The following GPR89B variants were observed in gnomAD, a reference collection of about 807,000 sequenced individuals.
The protein encoded by GPR89B is G protein-coupled receptor 89B.
A neutral mutation model predicts 52.4 loss-of-function variants in GPR89B; 25 were observed. The observed-to-expected ratio is 0.48, with a 90% CI of 0.35 to 0.67. GPR89B has a LOEUF of 0.67. Among genes scored for constraint, GPR89B ranks in the 30% least tolerant of loss-of-function variants. The probability of loss-of-function intolerance (pLI) is 0.01; values close to 1 mark genes in which losing one functional copy is unlikely to be tolerated. For synonymous variants in GPR89B, 52 were observed against 151.2 expected (o/e 0.34, Z 4.81); for missense variants, 146 against 450.2 (o/e 0.32, Z 6.11).
intron 10 of GPR89B, among the ~76,000 whole-genome samples, chr1:147,971,390 A>G (rs1397983532): frequency 4.0e-5 from 6 of 149,994 alleles, no homozygotes; most frequent in Admixed American, 3.3e-4. Flanking sequence ...AGCTCAGGCA[A>G]TCTGCCCGTC....
At chr1:147,952,475 A>G (rs1319531893) in intron 5 of GPR89B, among the ~76,000 whole-genome samples, 1 of 151,876 alleles carries the variant, frequency 6.6e-6, no homozygotes, top group African/African-American at 2.4e-5. Context: ...AAAGACTAGG[A>G]ATGGAGGCCA....
At chr1:147,977,523 G>A (rs1367829741) in intron 10 of GPR89B, among the ~76,000 whole-genome samples, 3,354 of 152,022 alleles carry the variant, frequency 0.022, 61 homozygotes, top group Non-Finnish European at 0.035. Context: ...AGAAGTTCTG[G>A]CCTGTCTTGC....
chr1:147,962,666 G>A (rs1656683513), intron 7 of GPR89B, among the ~76,000 whole-genome samples: 3 of 151,882 alleles, frequency 2.0e-5, no homozygotes, highest in Non-Finnish European at 4.4e-5. Flanking sequence ...GGAAGCCAAG[G>A]CGGACGGATC....
chr1:147,932,063 A>G (rs1653676829), intron 1 of GPR89B, among the ~76,000 whole-genome samples: 1 of 151,798 alleles, frequency 6.6e-6, no homozygotes, highest in African/African-American at 2.4e-5. Flanking sequence ...CTTCCATTTC[A>G]TAGCAATCTT....
At chr1:147,950,962 G>GGGGAGA (rs1327691688) in intron 5 of GPR89B, among the ~76,000 whole-genome samples, 30 of 151,990 alleles carry the variant, frequency 2.0e-4, no homozygotes, top group Admixed American at 1.6e-3. Flanking sequence ...GAGGGAGATG[G>GGGGAGA]GGGAGAGGGA....
rs375267760 is a variant in GPR89B, at chr1:147,943,477, T to G, written c.246T>G (p.Ile82Met). Reference sequence around the variant, plus strand: ...ACTGGAAAATGAACCTGTGTGTAATTCTGCTGATCCTGGTTTTCATGGTGC... The same window carrying G: ...ACTGGAAAATGAACCTGTGTGTAATGCTGCTGATCCTGGTTTTCATGGTGC... ...YFHWKMNLCVILLILVFMVPF... is the reference protein window; with the variant it reads ...YFHWKMNLCVMLLILVFMVPF... The change falls in exon 4 of 14, where the codon ATT becomes ATG. Residue 82 changes from isoleucine (I) to methionine (M), a missense_variant. Ile to Met is a conservative substitution (Grantham distance 10). Coordinates refer to ENST00000314163, the MANE Select transcript of GPR89B (RefSeq NM_016334.5). The G allele has an allele frequency of 4.2e-5, 68 of 1,612,848 alleles. No homozygotes were observed. The African/African-American group carries it at 8.0e-4, about 19-fold the overall frequency.
the GPR89B span, among the ~76,000 whole-genome samples, chr1:148,022,236 C>G: frequency 6.6e-6 from 1 of 150,962 alleles, no homozygotes; most frequent in Non-Finnish European, 1.5e-5. Context: ...GGTCAGCAGT[C>G]CAGGCTAGTT....
At chr1:147,995,975 G>T, downstream of GPR89B, 3 of 1,224,224 alleles carry the variant, frequency 2.5e-6, no homozygotes, top group South Asian at 1.3e-5. Flanking sequence ...AGGAGCTCAA[G>T]AATTTATTTT....
chr1:147,948,643 G>C (rs1553250177), intron 5 of GPR89B, among the ~76,000 whole-genome samples: 1 of 152,062 alleles, frequency 6.6e-6, no homozygotes, highest in Non-Finnish European at 1.5e-5. Flanking sequence ...ATCCTGAAAT[G>C]AAAGTGAGAA....
At chr1:147,998,995 A>G in the GPR89B span, among the ~76,000 whole-genome samples, 1 of 151,676 alleles carries the variant, frequency 6.6e-6, no homozygotes, top group Non-Finnish European at 1.5e-5. Flanking sequence ...ATGTATCTCA[A>G]AGATCTACCC....
chr1:147,995,541 A>G, downstream of GPR89B: 1 of 1,571,878 alleles, frequency 6.4e-7, no homozygotes, highest in Non-Finnish European at 8.7e-7. Context: ...ACTCATAGGG[A>G]CTGTACCCAT....
downstream of GPR89B, among the ~76,000 whole-genome samples, chr1:147,997,973 TTAAA>T (rs1172435656): frequency 2.0e-5 from 3 of 152,176 alleles, no homozygotes; most frequent in Non-Finnish European, 4.4e-5. Flanking sequence ...TCCAACATCT[TTAAA>T]TACTCCTAAT....
the GPR89B span, among the ~76,000 whole-genome samples, chr1:148,002,071 TC>T: frequency 6.6e-6 from 1 of 151,558 alleles, no homozygotes; most frequent in South Asian, 2.1e-4. Flanking sequence ...AGTTCCTGTT[TC>T]ACTTTTCCAG....
chr1:147,949,320 CTTCCCA>C lies in GPR89B; in HGVS notation c.416-4024_416-4019del, dbSNP rs1558043280. On this transcript the variant is annotated intron_variant, in intron 5 of 13. Transcript: ENST00000314163. Reference sequence around the variant, plus strand: ...GGTGGCTGGGCAGAGGGGCTCCTCACTTCCCAGTAGGGGCGGCCGGGCAGAGGTGCC... The same window carrying C: ...GGTGGCTGGGCAGAGGGGCTCCTCACGTAGGGGCGGCCGGGCAGAGGTGCC... Among the ~76,000 whole-genome samples, 434 of 150,156 alleles carry C rather than the reference CTTCCCA, an allele frequency of 2.9e-3. 1 individual carries two copies. Among genetic ancestry groups the C allele is most frequent in the African/African-American group, 0.01 (405 of 40,026 alleles).
intron 5 of GPR89B, among the ~76,000 whole-genome samples, chr1:147,945,146 G>A (rs1409575035): frequency 1.5e-5 from 2 of 137,374 alleles, no homozygotes; most frequent in Non-Finnish European, 3.1e-5. Flanking sequence ...GCCACTCAGG[G>A]TCTATGACAT....
the GPR89B span, chr1:148,003,998 CAG>C: frequency 7.7e-6 from 4 of 522,166 alleles, no homozygotes; most frequent in Non-Finnish European, 1.4e-5. Context: ...ACAACACACA[CAG>C]ATGAGGAATG....
chr1:148,015,548 T>C, the GPR89B span, among the ~76,000 whole-genome samples: 11 of 146,022 alleles, frequency 7.5e-5, no homozygotes, highest in African/African-American at 2.8e-4. Context: ...TCTCCTGACC[T>C]CGTGATGCAC....
chr1:148,017,665 G>A, the GPR89B span, among the ~76,000 whole-genome samples: 1 of 150,388 alleles, frequency 6.6e-6, no homozygotes, highest in Non-Finnish European at 1.5e-5. Context: ...GTGAACCTGG[G>A]AAGTGGAGCT....
chr1:147,938,569 T>A lies in GPR89B; in HGVS notation c.103-145T>A, dbSNP rs1189842240. The A allele has an allele frequency of 4.3e-5, 27 of 627,478 alleles. 1 individual carries two copies. Among genetic ancestry groups the A allele is most frequent in the African/African-American group, 3.4e-4 (18 of 52,406 alleles). The allele number at this position is 627,478 out of a possible 1,614,324, so 38.9% of individuals were successfully genotyped here. Reference sequence around the variant, plus strand: ...ACCTATATTGATCTTTTTCTTTAGCTCCAGGCAAGTTGCTGTTGTGGCCCT... The same window carrying A: ...ACCTATATTGATCTTTTTCTTTAGCACCAGGCAAGTTGCTGTTGTGGCCCT... On this transcript the variant is annotated intron_variant, in intron 2 of 13. Coordinates refer to ENST00000314163, the MANE Select transcript of GPR89B (RefSeq NM_016334.5).
Sources: gnomAD v4.1 joint callset for allele counts (sites outside exome capture counted in the v4.1 genomes callset) on GRCh38, gnomAD v4.1.1 for gene constraint, MANE v1.5 for transcripts, NCBI Gene and HGNC (gene_info 2026-07-23, HGNC 2026-07-21) for gene names.